FN1: variants seen among roughly 807,000 people sequenced by gnomAD.
FN1 encodes the protein fibronectin.
A neutral mutation model predicts 297.3 loss-of-function variants in FN1; 106 were observed. That is an observed-to-expected ratio of 0.36 (90% CI 0.30 to 0.42). FN1 has a LOEUF of 0.42. Ranked by LOEUF, FN1 falls within the 10% of genes least tolerant of loss-of-function variation. The pLI, the probability that FN1 is intolerant of heterozygous loss-of-function variation, is 1.00. For synonymous variants in FN1, 1,149 were observed against 1,152.6 expected, an observed-to-expected ratio of 1.00 and a Z score of 0.06; for missense variants, 2,690 against 3,124.9, an observed-to-expected ratio of 0.86 and a Z score of 3.32.
chr2:215,365,536 C>T lies in FN1; in HGVS notation c.7113G>A (p.Gly2371=). Residue 2371 remains glycine, a synonymous_variant, in exon 43 of 46, where the codon GGG becomes GGA. Transcript: ENST00000354785. The part of the protein sequence containing the change: ...NGQMMSCTCL[G]NGKGEFKCDP... ...CACACTTGAATTCTCCTTTTCCGTT[C>T]CCAAGACATGTGCAGCTCATCATCT... is the stretch of plus-strand genomic sequence containing the variant. 1.2e-6 allele frequency: 2 copies of T among 1,614,060 alleles called. No homozygotes were observed. The highest frequency in any genetic ancestry group is 1.1e-5 in the South Asian group (1 of 91,068).
At chr2:215,370,266 T>A in intron 41 of FN1, 28 bp downstream of exon 41, 1 of 1,612,276 alleles carries the variant, frequency 6.2e-7, no homozygotes, top group Non-Finnish European at 8.5e-7. Context: ...GAGGGGAGCC[T>A]GTGTCTAAAT....
At chr2:215,424,036 G>C (rs944648746) in intron 8 of FN1, 110 bp downstream of exon 8, 14 of 1,098,462 alleles carry the variant, frequency 1.3e-5, no homozygotes, top group Non-Finnish European at 2.0e-5. Flanking sequence ...CTGAACAAAA[G>C]CGATGCTTCT....
At chr2:215,379,989 C>T (rs1575366553) in intron 33 of FN1, 1 of 152,516 alleles carries the variant, frequency 6.6e-6, no homozygotes, top group Non-Finnish European at 1.5e-5. Context: ...AGCCACTGCA[C>T]CCGGCCTCCT....
intron 29 of FN1, 46 bp from the exon 30 acceptor site, chr2:215,384,230 C>CCATCAGCGGCCTTAAACCTGGAG: frequency 6.4e-7 from 1 of 1,572,266 alleles, no homozygotes; most frequent in Non-Finnish European, 8.8e-7. Context: ...TTTAGAGCTA[C>CCATCAGCGGCCTTAAACCTGGAG]TTGGGTATTA....
chr2:215,435,595 T>C, intron 1 of FN1, 60 bp downstream of exon 1: 3 of 1,607,962 alleles, frequency 1.9e-6, no homozygotes, highest in Non-Finnish European at 2.5e-6. Flanking sequence ...GCCCCAACTT[T>C]GGTCGGCTTT....
intron 42 of FN1, among the ~76,000 whole-genome samples, chr2:215,366,457 G>C (rs771490076): frequency 2.0e-5 from 3 of 151,938 alleles, no homozygotes; most frequent in Admixed American, 6.6e-5. Flanking sequence ...AAATGAACCC[G>C]GATAAAATAA....
At chr2:215,421,225 C>A (rs1052396245) in intron 10 of FN1, 1 of 256,900 alleles carries the variant, frequency 3.9e-6, no homozygotes, top group African/African-American at 2.3e-5. Flanking sequence ...GTGGTCTGGT[C>A]TCTGGAATAG....
At position 215,385,287 on chromosome 2, in the gene FN1, C is replaced by T. The variant is rs181226717; in HGVS notation, c.4613-311G>A. On this transcript the variant is annotated intron_variant, in intron 28 of 45. Coordinates refer to ENST00000354785, the MANE Select transcript of FN1 (RefSeq NM_212482.4). ...AAAAAAAAAGTGATACAAGGCCGGG[C>T]GTGGTGGCTCACGCCTGTAATCCCA... is the stretch of plus-strand genomic sequence containing the variant. Among the ~76,000 whole-genome samples, 8,632 of 147,658 alleles carry T rather than the reference C, an allele frequency of 0.058. 363 individuals carry two copies. The highest frequency in any genetic ancestry group is 0.2 in the Middle Eastern group (56 of 276).
intron 14 of FN1, 38 bp from the exon 15 acceptor site, chr2:215,409,777 C>A: frequency 6.2e-7 from 1 of 1,611,850 alleles, no homozygotes; most frequent in South Asian, 1.1e-5. Context: ...AGCCTTCAGT[C>A]ATCTAGAAAA....
chr2:215,433,524 T>A, intron 2 of FN1, 63 bp from the exon 3 acceptor site: 1 of 1,542,902 alleles, frequency 6.5e-7, no homozygotes, highest in Non-Finnish European at 8.8e-7. Context: ...AGTTCACTAA[T>A]CCCCTCTAAA....
chr2:215,364,508 A>G, intron 44 of FN1: 2 of 331,290 alleles, frequency 6.0e-6, no homozygotes, highest in Non-Finnish European at 1.2e-5. Flanking sequence ...ATTAATTTGA[A>G]TAGTATCTCT....
Position 215,381,050 on chromosome 2 carries a change from G to A in FN1, c.5195C>T (p.Thr1732Ile). Residue 1732 changes from threonine (T) to isoleucine (I), a missense_variant, in exon 33 of 46, where the codon ACT becomes ATT. Physicochemically the swap from Thr to Ile is moderately conservative, Grantham distance 89. Around this residue, in one of 3 missense-constraint regions of FN1, gnomAD observed 1,743 missense variants for 1,945.2 expected, o/e 0.90. Coordinates refer to ENST00000354785, the MANE Select transcript of FN1 (RefSeq NM_212482.4). ...TTTGATGGAATCGACATCCACATCA[G>A]TGAATGCCAGTCCTTTAGGGCGATC... is the stretch of plus-strand genomic sequence containing the variant. ...NIDRPKGLAFTDVDVDSIKIA... is the reference protein window; with the variant it reads ...NIDRPKGLAFIDVDVDSIKIA... The A allele has an allele frequency of 6.2e-7, 1 of 1,614,188 alleles. No individual in the cohort carries two copies.
chr2:215,396,885 A>T (rs1382273616), intron 23 of FN1, among the ~76,000 whole-genome samples: 1 of 152,186 alleles, frequency 6.6e-6, no homozygotes, highest in African/African-American at 2.4e-5. Flanking sequence ...TCAGCCCTAC[A>T]GCTGTGTGAG....
chr2:215,402,026 G>A (rs1424907505), intron 20 of FN1, among the ~76,000 whole-genome samples: 1 of 152,058 alleles, frequency 6.6e-6, no homozygotes, highest in Non-Finnish European at 1.5e-5. Flanking sequence ...GCTGGTGACT[G>A]TGCCAAAATG....
At chr2:215,385,778 C>CCTTTTTTTTTT in intron 28 of FN1, among the ~76,000 whole-genome samples, 1 of 120,406 alleles carries the variant, frequency 8.3e-6, no homozygotes, top group Non-Finnish European at 1.7e-5. Flanking sequence ...AGTTTTCCAC[C>CCTTTTTTTTTT]TTTTTTTTTT....
chr2:215,421,430 G>C (rs1346293135), intron 10 of FN1, among the ~76,000 whole-genome samples: 1 of 152,038 alleles, frequency 6.6e-6, no homozygotes, highest in African/African-American at 2.4e-5. Flanking sequence ...TTTCAGTTCT[G>C]CAACACCACA....
Position 215,384,901 on chromosome 2 carries a change from G to C in FN1, c.4688C>G (p.Ala1563Gly). 1 of 1,613,752 alleles carries C rather than the reference G, an allele frequency of 6.2e-7. No individual in the cohort carries two copies. The part of the protein sequence containing the change: ...TSLLISWDAP[A>G]VTVRYYRITY... The stretch of plus-strand genomic sequence containing the variant: ...GATCCTGTAATATCTCACTGTGACA[G>C]CAGGAGCATCCCAGCTGATCAGTAG... Residue 1563 changes from alanine to glycine, a missense_variant, in exon 29 of 46, where the codon GCT becomes GGT. Coordinates refer to ENST00000354785, the MANE Select transcript of FN1 (RefSeq NM_212482.4).
At chr2:215,383,774 ACTCT>A (rs1427411666) in intron 30 of FN1, among the ~76,000 whole-genome samples, 1 of 152,012 alleles carries the variant, frequency 6.6e-6, no homozygotes, top group East Asian at 1.9e-4. Context: ...CTTACTGAAC[ACTCT>A]CTATGCCTGT....
rs564258338 is a variant in FN1 at position 215,385,967 on chromosome 2, G to A, written c.4612+722C>T. Among the ~76,000 whole-genome samples the A allele has an allele frequency of 2.3e-3, 353 of 151,446 alleles. 1 individual carries two copies. Among genetic ancestry groups the A allele is most frequent in the African/African-American group, 8.0e-3 (328 of 41,256 alleles). ...TAATTTTTGTATTTTTAGTAGAGAC[G>A]AGGTTTCATCATGTTGGCCAGGATG... On this transcript the variant is annotated intron_variant, in intron 28 of 45. Coordinates refer to ENST00000354785, the MANE Select transcript of FN1 (RefSeq NM_212482.4).
Sources: allele counts gnomAD v4.1 joint callset (sites outside exome capture counted in the v4.1 genomes callset), GRCh38; gene constraint gnomAD v4.1.1; regional missense constraint gnomAD v4.1.1; transcripts MANE v1.5; gene names NCBI Gene and HGNC (gene_info 2026-07-23, HGNC 2026-07-21).